The following CDH12 variants were observed in gnomAD, a reference collection of about 807,000 sequenced individuals.
CDH12 encodes cadherin-12.
CDH12 carries 41 observed loss-of-function variants against 74.1 expected under a neutral mutation model. The ratio of observed to expected loss-of-function variants is 0.55; its 90% CI spans 0.43 to 0.72. The LOEUF is 0.72. Ranked by LOEUF, CDH12 falls within the 30% of genes least tolerant of loss-of-function variation. The pLI is 0.00. For missense variants in CDH12, 945 were observed against 977.2 expected, an observed-to-expected ratio of 0.97 and a Z score of 0.44; for synonymous variants, 399 against 355.0, an observed-to-expected ratio of 1.12 and a Z score of -1.39.
At chr5:22,490,219 A>T (rs771339371) in intron 2 of CDH12, among the ~76,000 whole-genome samples, 1 of 152,198 alleles carries the variant, frequency 6.6e-6, no homozygotes, top group Non-Finnish European at 1.5e-5. Context: ...TACGCATATC[A>T]CTCACAGGAA....
intron 6 of CDH12, among the ~76,000 whole-genome samples, chr5:21,892,155 G>T (rs977622478): frequency 1.3e-5 from 2 of 152,148 alleles, no homozygotes; most frequent in Non-Finnish European, 2.9e-5. Context: ...TGTATTTGGG[G>T]AGTAAAAGAT....
chr5:22,754,806 C>G (rs1160805687), intron 1 of CDH12, among the ~76,000 whole-genome samples: 1 of 151,962 alleles, frequency 6.6e-6, no homozygotes, highest in African/African-American at 2.4e-5. Flanking sequence ...AGGAAAAAGG[C>G]TAAAATCAAA....
At chr5:22,544,501 G>A (rs553449739) in intron 1 of CDH12, among the ~76,000 whole-genome samples, 1 of 152,142 alleles carries the variant, frequency 6.6e-6, no homozygotes, top group African/African-American at 2.4e-5. Flanking sequence ...ATCCATCTTA[G>A]AGTGAGTAGC....
At chr5:22,421,408 A>C (rs997150365) in intron 2 of CDH12, among the ~76,000 whole-genome samples, 1 of 151,432 alleles carries the variant, frequency 6.6e-6, no homozygotes, top group East Asian at 1.9e-4. Context: ...TCATTGTTCA[A>C]CTCCCACCTA....
At chr5:22,514,851 C>A (rs1307648286) in intron 1 of CDH12, among the ~76,000 whole-genome samples, 1 of 151,884 alleles carries the variant, frequency 6.6e-6, no homozygotes, top group Non-Finnish European at 1.5e-5. Flanking sequence ...ATAAGAAGAA[C>A]AAGAAATAAC....
intron 6 of CDH12, among the ~76,000 whole-genome samples, chr5:21,924,428 ATCGCCTCCAC>A (rs1754496550): frequency 6.6e-6 from 1 of 152,158 alleles, no homozygotes; most frequent in African/African-American, 2.4e-5. Flanking sequence ...AGGCAGGAGA[ATCGCCTCCAC>A]TCAGGAGGCG....
At chr5:22,406,645 C>T (rs1348547572) in intron 2 of CDH12, among the ~76,000 whole-genome samples, 1 of 151,950 alleles carries the variant, frequency 6.6e-6, no homozygotes, top group Non-Finnish European at 1.5e-5. Flanking sequence ...AAACAATGAT[C>T]CAAATTAACA....
Position 21,880,611 on chromosome 5 carries a change from C to CTTT in CDH12, c.527-25822_527-25821insAAA, listed in dbSNP as rs1561268293. Among the ~76,000 whole-genome samples the CTTT allele has an allele frequency of 5.3e-3, 425 of 79,528 alleles. 13 individuals are homozygous for CTTT. Among genetic ancestry groups the CTTT allele is most frequent in the African/African-American group, 0.019 (403 of 21,564 alleles). The allele number at this position is 79,528 out of a possible 152,430, so 52.2% of individuals were successfully genotyped here. A position where few individuals can be genotyped will look rare whatever the true frequency, so the allele number is the denominator to read the frequency against. On this transcript the variant is annotated intron_variant, in intron 6 of 14. Coordinates refer to ENST00000382254, the MANE Select transcript of CDH12 (RefSeq NM_004061.5). The stretch of plus-strand genomic sequence containing the variant: ...TCCTTCCTTCCTTCCTTCCTTCCTT[C>CTTT]CTTCCTTCTTTCTTTCTTTCTTTCT...
rs567260555 is a variant in CDH12, at chr5:22,308,281, A to G, written c.-332-95638T>C. Among the ~76,000 whole-genome samples the G allele has an allele frequency of 2.6e-5, 4 of 152,250 alleles. No individual in the cohort carries two copies. In the East Asian group the frequency reaches 5.8e-4, roughly 22 times the overall value. On this transcript the variant is annotated intron_variant, in intron 3 of 14. Transcript: ENST00000382254. ...TTAAACAGGATGTATTATAATTTTA[A>G]TGGGTGTTTTCCATGAAGAGTATTA...
At chr5:22,763,280 A>G (rs1746317419) in intron 1 of CDH12, among the ~76,000 whole-genome samples, 1 of 152,008 alleles carries the variant, frequency 6.6e-6, no homozygotes. Context: ...GTGGGACAGT[A>G]TATTATTATG....
At chr5:22,732,891 G>C (rs908364364) in intron 1 of CDH12, among the ~76,000 whole-genome samples, 1 of 151,852 alleles carries the variant, frequency 6.6e-6, no homozygotes, top group Admixed American at 6.6e-5. Context: ...TTGTGGTACT[G>C]ATACAGCAGC....
At chr5:22,158,227 T>C (rs1748139176) in intron 4 of CDH12, among the ~76,000 whole-genome samples, 1 of 152,220 alleles carries the variant, frequency 6.6e-6, no homozygotes, top group African/African-American at 2.4e-5. Context: ...CTAATCACCC[T>C]GGCCTCAGTA....
At chr5:22,397,821 A>T (rs1300681808) in intron 3 of CDH12, among the ~76,000 whole-genome samples, 2 of 152,052 alleles carry the variant, frequency 1.3e-5, no homozygotes, top group Non-Finnish European at 2.9e-5. Context: ...GTTGGCCCTA[A>T]TCCAATATGA....
Position 22,078,667 on chromosome 5 carries a change from T to C in CDH12, c.10A>G (p.Arg4Gly). MLT[R>G]NCLSLLLWVL... The stretch of plus-strand genomic sequence containing the variant: ...CAGAGAAGCAGGGATAAACAGTTCC[T>C]TGTAAGCATTGGCAAAGGCTTTCCT... Residue 4 changes from arginine (R) to glycine (G), a missense_variant, in exon 5 of 15, where the codon AGG becomes GGG. Around this residue, in one of 3 missense-constraint regions of CDH12, gnomAD observed 148 missense variants for 162.8 expected, o/e 0.91. Transcript: ENST00000382254. 13 of 1,613,628 alleles carry C rather than the reference T, an allele frequency of 8.1e-6. No individual in the cohort carries two copies. The highest frequency in any genetic ancestry group is 7.6e-6 in the Non-Finnish European group (9 of 1,179,656).
At chr5:21,800,019 T>C (rs1042067948) in intron 10 of CDH12, among the ~76,000 whole-genome samples, 4 of 152,162 alleles carry the variant, frequency 2.6e-5, no homozygotes, top group African/African-American at 9.7e-5. Flanking sequence ...TAAGGTTTAA[T>C]GGAGTTTCCC....
At chr5:22,666,424 G>A (rs1243202010) in intron 1 of CDH12, among the ~76,000 whole-genome samples, 1 of 151,186 alleles carries the variant, frequency 6.6e-6, no homozygotes, top group African/African-American at 2.4e-5. Context: ...CGAGTAGCTG[G>A]GACTACAGGC....
chr5:21,847,608 A>G (rs984483596), intron 7 of CDH12, among the ~76,000 whole-genome samples: 1 of 152,050 alleles, frequency 6.6e-6, no homozygotes, highest in South Asian at 2.1e-4. Flanking sequence ...CTTCTTCTGC[A>G]TACAAGAACC....
At chr5:22,664,444 T>A (rs1740505274) in intron 1 of CDH12, among the ~76,000 whole-genome samples, 1 of 152,084 alleles carries the variant, frequency 6.6e-6, no homozygotes, top group African/African-American at 2.4e-5. Flanking sequence ...TATCAGATCT[T>A]GCGAGAATTC....
intron 1 of CDH12, among the ~76,000 whole-genome samples, chr5:22,661,192 C>A (rs6874411): frequency 0.54 from 81,803 of 151,922 alleles, 22,381 homozygotes; most frequent in Non-Finnish European, 0.58. Context: ...TTCAGAGCTT[C>A]AACCACAGAG....
Sources: allele counts gnomAD v4.1 joint callset (sites outside exome capture counted in the v4.1 genomes callset), GRCh38; gene constraint gnomAD v4.1.1; regional missense constraint gnomAD v4.1.1; transcripts MANE v1.5; gene names NCBI Gene and HGNC (gene_info 2026-07-23, HGNC 2026-07-21).